TARBP1: variants seen among roughly 807,000 people sequenced by gnomAD.
The protein encoded by TARBP1 is tRNA guanosine 2 -O-methyltransferase TARBP1, also known as tRNA (guanosine(18)-2'-O)-methyltransferase TARBP1.
TARBP1 carries 144 observed loss-of-function variants against 178.6 expected under a neutral mutation model. That is an observed-to-expected ratio of 0.81 (90% CI 0.70 to 0.93). The LOEUF (loss-of-function observed/expected upper bound fraction) is 0.93, where lower values mean the gene tolerates loss of function less well. TARBP1 is among the 40% of genes least tolerant of loss of function. The pLI, the probability that TARBP1 is intolerant of heterozygous loss-of-function variation, is 0.00. For missense variants in TARBP1, 2,067 were observed against 2,011.7 expected (o/e 1.03, Z -0.53); for synonymous variants, 787 against 781.0 (o/e 1.01, Z -0.13).
chr1:234,414,988 A>G (rs72763879), intron 22 of TARBP1, among the ~76,000 whole-genome samples: 3,405 of 151,024 alleles, frequency 0.023, 49 homozygotes, highest in Non-Finnish European at 0.026. Flanking sequence ...TGTCTCAAAA[A>G]AATTAATAAA....
At chr1:234,432,705 T>C (rs12043269) in intron 14 of TARBP1, among the ~76,000 whole-genome samples, 14,593 of 151,956 alleles carry the variant, frequency 0.096, 858 homozygotes, top group East Asian at 0.23. Flanking sequence ...ATGAGGAAGA[T>C]AGGACACATG....
intron 22 of TARBP1, among the ~76,000 whole-genome samples, chr1:234,411,693 A>T (rs899487059): frequency 2.0e-5 from 3 of 152,170 alleles, no homozygotes; most frequent in African/African-American, 4.8e-5. Flanking sequence ...CTTAGGGAAA[A>T]TTTTTTAAGA....
In TARBP1 at chr1:234,459,214, CA is replaced by C; in HGVS notation, c.1632+15del. ...AAGAAAGACTTGTAAATGGAAGTAA[CA>C]AAAGAAAAACTTACCACATCTAGCA... On this transcript the variant is annotated intron_variant, in intron 8 of 29. Transcript: ENST00000040877. 1 of 1,600,102 alleles carries C rather than the reference CA, an allele frequency of 6.2e-7. No homozygotes were observed. The highest frequency in any genetic ancestry group is 2.2e-5 in the East Asian group (1 of 44,730).
At chr1:234,402,999 C>T (rs924700631) in intron 24 of TARBP1, among the ~76,000 whole-genome samples, 2 of 152,162 alleles carry the variant, frequency 1.3e-5, no homozygotes, top group Non-Finnish European at 2.9e-5. Context: ...AAAGCCTGTC[C>T]ATTTCTCTGT....
chr1:234,441,799 C>A (rs574569541), intron 12 of TARBP1, among the ~76,000 whole-genome samples: 3 of 152,266 alleles, frequency 2.0e-5, no homozygotes, highest in Admixed American at 6.5e-5. Flanking sequence ...TAAATGAGAT[C>A]ATATAATATG....
At chr1:234,441,097 T>C (rs1665546081) in intron 12 of TARBP1, among the ~76,000 whole-genome samples, 1 of 152,196 alleles carries the variant, frequency 6.6e-6, no homozygotes, top group Non-Finnish European at 1.5e-5. Context: ...GGCAGCAGGA[T>C]TGCTTGAACA....
chr1:234,470,639 C>CAGAGCT (rs138782511), intron 3 of TARBP1, among the ~76,000 whole-genome samples: 37,979 of 149,336 alleles, frequency 0.25, 6,647 homozygotes, highest in East Asian at 0.83. Context: ...TTTTTTGAGA[C>CAGAGCT]GGAGTCTTGC....
intron 9 of TARBP1, 45 bp downstream of exon 9, chr1:234,457,622 T>C (rs1268156419): frequency 1.4e-6 from 2 of 1,379,402 alleles, no homozygotes; most frequent in Admixed American, 4.5e-5. Flanking sequence ...AGAAAACCAT[T>C]TTTTATAGTT....
At chr1:234,404,931 T>G (rs1661058972) in intron 24 of TARBP1, among the ~76,000 whole-genome samples, 1 of 152,038 alleles carries the variant, frequency 6.6e-6, no homozygotes. Context: ...GCATCAAAAG[T>G]GAAGGGAGGT....
chr1:234,404,698 C>T (rs1407317554), intron 24 of TARBP1, among the ~76,000 whole-genome samples: 1 of 152,132 alleles, frequency 6.6e-6, no homozygotes, highest in Non-Finnish European at 1.5e-5. Context: ...GAACTGTGCA[C>T]GATGTACCAG....
chr1:234,430,144 A>G lies in TARBP1; in HGVS notation c.2552T>C (p.Leu851Pro). The G allele has an allele frequency of 6.2e-7, 1 of 1,614,188 alleles. No homozygotes were observed. Among genetic ancestry groups the G allele is most frequent in the Admixed American group, 1.7e-5 (1 of 60,028 alleles). ...FLSSLQLNQT[L>P]QKPHAEEQSS... Reference sequence around the variant, plus strand: ...CTGCTCCTCTGCGTGGGGCTTCTGCAGCGTCTGATTGAGCTGAAGAGAGGA... The same window carrying G: ...CTGCTCCTCTGCGTGGGGCTTCTGCGGCGTCTGATTGAGCTGAAGAGAGGA... The change falls in exon 15 of 30, where the codon CTG becomes CCG. Residue 851 changes from leucine to proline, a missense_variant. Coordinates refer to ENST00000040877, the MANE Select transcript of TARBP1 (RefSeq NM_005646.4).
intron 24 of TARBP1, among the ~76,000 whole-genome samples, chr1:234,401,584 T>G (rs1660680090): frequency 6.6e-6 from 1 of 152,200 alleles, no homozygotes; most frequent in Admixed American, 6.5e-5. Flanking sequence ...GTACCTACTT[T>G]CACAAACCAA....
At chr1:234,438,462 AC>A (rs1665259501) in intron 12 of TARBP1, among the ~76,000 whole-genome samples, 1 of 152,218 alleles carries the variant, frequency 6.6e-6, no homozygotes, top group Admixed American at 6.5e-5. Flanking sequence ...ATATAGAAAA[AC>A]CAAATAGAAA....
chr1:234,460,386 T>C lies in TARBP1; in HGVS notation c.1410A>G (p.Leu470=), dbSNP rs1358057915. The change falls in exon 7 of 30, where the codon CTA becomes CTG. Residue 470 remains leucine (L), a synonymous_variant. Coordinates refer to ENST00000040877, the MANE Select transcript of TARBP1 (RefSeq NM_005646.4). ...LLPEEIKSSF[L]LKFIRKMTSR... is the part of the protein sequence containing the mutation. ...TTGTCATCTTCCGAATAAACTTCAATAGGAAGCTACCTGAAAGAAAAAGTT... is the reference window on the plus strand; with the variant it reads ...TTGTCATCTTCCGAATAAACTTCAACAGGAAGCTACCTGAAAGAAAAAGTT... 6.2e-7 allele frequency: 1 copy of C among 1,613,856 alleles called. No individual in the cohort carries two copies.
At chr1:234,402,786 A>G (rs1660829525) in intron 24 of TARBP1, among the ~76,000 whole-genome samples, 1 of 151,954 alleles carries the variant, frequency 6.6e-6, no homozygotes, top group Admixed American at 6.6e-5. Flanking sequence ...GGGTTTTGCC[A>G]TGTTGCCCAG....
At chr1:234,465,760 A>C (rs1285974942) in intron 4 of TARBP1, 52 bp from the exon 5 acceptor site, 1 of 1,495,468 alleles carries the variant, frequency 6.7e-7, no homozygotes, top group Non-Finnish European at 8.9e-7. Flanking sequence ...TTGTAAATAC[A>C]ATTTTGAAGT....
chr1:234,460,252 G>A lies in TARBP1; in HGVS notation c.1535+9C>T, dbSNP rs369937958. 3 of 1,612,088 alleles carry A rather than the reference G, an allele frequency of 1.9e-6. No homozygotes were observed. Among genetic ancestry groups the A allele is most frequent in the South Asian group, 1.1e-5 (1 of 90,434 alleles). On this transcript the variant is annotated intron_variant, in intron 7 of 29. Coordinates refer to ENST00000040877, the MANE Select transcript of TARBP1 (RefSeq NM_005646.4). The stretch of plus-strand genomic sequence containing the variant: ...ATAACCATACAAGTACATATACAGA[G>A]TAAATTACCTGAGAGCAAGAAGCCC...
chr1:234,410,073 C>A (rs560023984), intron 23 of TARBP1, among the ~76,000 whole-genome samples: 1 of 152,160 alleles, frequency 6.6e-6, no homozygotes, highest in East Asian at 1.9e-4. Flanking sequence ...TTTCTTTGCA[C>A]GAGCATTTGT....
chr1:234,403,656 G>A (rs1307561754), intron 24 of TARBP1, among the ~76,000 whole-genome samples: 2 of 152,154 alleles, frequency 1.3e-5, no homozygotes, highest in Non-Finnish European at 2.9e-5. Flanking sequence ...CAGAACAGAG[G>A]TGGCTTAATG....
Sources: allele counts gnomAD v4.1 joint callset (sites outside exome capture counted in the v4.1 genomes callset), GRCh38; gene constraint gnomAD v4.1.1; transcripts MANE v1.5; gene names NCBI Gene and HGNC (gene_info 2026-07-23, HGNC 2026-07-21).